Variants in CYP24A1 observed in about 807,000 individuals in gnomAD.
CYP24A1 encodes the protein cytochrome P450 family 24 subfamily A member 1.
CYP24A1 carries 68 observed loss-of-function variants against 62.4 expected under a neutral mutation model. That is an observed-to-expected ratio of 1.09 (90% CI 0.90 to 1.33). The LOEUF (loss-of-function observed/expected upper bound fraction) is 1.33. Ranked by LOEUF, CYP24A1 falls within the 40% of genes most tolerant of loss-of-function variation. The probability of loss-of-function intolerance (pLI) is 0.00; values close to 1 mark genes in which losing one functional copy is unlikely to be tolerated. For missense variants in CYP24A1, 787 were observed against 653.0 expected (o/e 1.21, Z -2.24); for synonymous variants, 267 against 253.0 (o/e 1.06, Z -0.52).
the CYP24A1 span, among the ~76,000 whole-genome samples, chr20:54,147,358 T>A: frequency 1.3e-5 from 2 of 152,108 alleles, no homozygotes; most frequent in Non-Finnish European, 2.9e-5. Flanking sequence ...AGGAAAAAAA[T>A]TCATAGATTT....
rs756204484 is a variant in CYP24A1 at position 54,173,107 on chromosome 20, C to T, written c.259-8G>A. The T allele has an allele frequency of 5.6e-6, 9 of 1,601,664 alleles. No homozygotes were observed. Among genetic ancestry groups the T allele is most frequent in the Non-Finnish European group, 7.6e-6 (9 of 1,179,836 alleles). ...CTTCTTGTGGTACTCCACCTGCAGCCGGCCGGGCACAGCGCGGTGTCAGCG... is the reference window on the plus strand; with the variant it reads ...CTTCTTGTGGTACTCCACCTGCAGCTGGCCGGGCACAGCGCGGTGTCAGCG... On this transcript the variant is annotated splice_polypyrimidine_tract_variant and splice_region_variant and intron_variant, in intron 1 of 11. Coordinates refer to ENST00000216862, the MANE Select transcript of CYP24A1 (RefSeq NM_000782.5). The surrounding 1 kb of genome is among the most constrained non-coding windows in gnomAD (Gnocchi z 7.2).
chr20:54,148,576 C>T (rs976973716), downstream of CYP24A1, among the ~76,000 whole-genome samples: 1 of 152,128 alleles, frequency 6.6e-6, no homozygotes, highest in African/African-American at 2.4e-5. Context: ...AGTACAAGAT[C>T]AGCCTGGAAT....
At chr20:54,145,687 C>T in the CYP24A1 span, among the ~76,000 whole-genome samples, 60 of 151,062 alleles carry the variant, frequency 4.0e-4, 3 homozygotes, top group South Asian at 0.011. Context: ...TTTCTTGCCA[C>T]GAGGGCCTCC....
Position 54,157,583 on chromosome 20 carries a change from T to G in CYP24A1, c.1239A>C (p.Thr413=), listed in dbSNP as rs762355258. The change falls in exon 10 of 12, where the codon ACA becomes ACC. Residue 413 remains threonine, a splice_region_variant and synonymous_variant. Coordinates refer to ENST00000216862, the MANE Select transcript of CYP24A1 (RefSeq NM_000782.5). Reference sequence around the variant, plus strand: ...ACACCTGGGTATTTAGCATGAGCACTGTCTAAACACATGCAGAGACACATA... The same window carrying G: ...ACACCTGGGTATTTAGCATGAGCACGGTCTAAACACATGCAGAGACACATA... ...VLGEYALPKG[T]VLMLNTQVLG... 2.6e-6 allele frequency: 4 copies of G among 1,541,712 alleles called. No homozygotes were observed. The highest frequency in any genetic ancestry group is 3.6e-6 in the Non-Finnish European group (4 of 1,114,296).
chr20:54,152,338 C>T (rs1040971840), downstream of CYP24A1, among the ~76,000 whole-genome samples: 8 of 152,236 alleles, frequency 5.3e-5, no homozygotes, highest in African/African-American at 1.9e-4. Context: ...GCAATGTACA[C>T]TCCAGAGCTC....
chr20:54,143,947 T>C, the CYP24A1 span, among the ~76,000 whole-genome samples: 1 of 152,158 alleles, frequency 6.6e-6, no homozygotes, highest in Non-Finnish European at 1.5e-5. Flanking sequence ...CTAAGTGAGA[T>C]TGAGAATTTT....
intron 2 of CYP24A1, chr20:54,171,922 G>C (rs745318376): frequency 1.1e-4 from 100 of 885,322 alleles, no homozygotes; most frequent in Non-Finnish European, 1.4e-4. Flanking sequence ...TTGAAGTCCA[G>C]ATAATTTGGG....
the CYP24A1 span, among the ~76,000 whole-genome samples, chr20:54,144,701 T>G: frequency 2.0e-5 from 3 of 149,918 alleles, no homozygotes; most frequent in South Asian, 6.3e-4. Context: ...TATATATTAA[T>G]AAGAAGCCCT....
chr20:54,172,923 G>A lies in CYP24A1; in HGVS notation c.435C>T (p.Tyr145=), dbSNP rs1454108144. 1.2e-6 allele frequency: 2 copies of A among 1,613,716 alleles called. No homozygotes were observed. The highest frequency in any genetic ancestry group is 2.2e-5 in the East Asian group (1 of 44,876). ...KAYRDYRKEG[Y]GLLILEGEDW... is the part of the protein sequence containing the mutation. ...ATTGGACTCACAGGATCAGCAGCCCGTAGCCTTCTTTGCGGTAGTCGCGAT... is the reference window on the plus strand; with the variant it reads ...ATTGGACTCACAGGATCAGCAGCCCATAGCCTTCTTTGCGGTAGTCGCGAT... The change falls in exon 2 of 12, where the codon TAC becomes TAT. Residue 145 remains tyrosine, a synonymous_variant. Transcript: ENST00000216862.
chr20:54,160,121 A>C (rs866969687), intron 7 of CYP24A1, among the ~76,000 whole-genome samples: 1 of 152,246 alleles, frequency 6.6e-6, no homozygotes, highest in Admixed American at 6.5e-5. Context: ...GGCACTACCT[A>C]CACTGAGGGT....
Position 54,169,543 on chromosome 20 carries a change from C to T in CYP24A1, c.640+49G>A, listed in dbSNP as rs150816502. 569 of 1,613,058 alleles carry T rather than the reference C, an allele frequency of 3.5e-4. 1 individual carries two copies. The African/African-American group carries it at 5.0e-3, about 14-fold the overall frequency. On this transcript the variant is annotated intron_variant, in intron 4 of 11. Transcript: ENST00000216862. Reference sequence around the variant, plus strand: ...GTTGTCAAAAGAGCCATGTTTTATCCGCAAAATCACCTGCAAAATCAGTGA... The same window carrying T: ...GTTGTCAAAAGAGCCATGTTTTATCTGCAAAATCACCTGCAAAATCAGTGA...
At chr20:54,149,946 T>C (rs1455648179), downstream of CYP24A1, among the ~76,000 whole-genome samples, 2 of 152,190 alleles carry the variant, frequency 1.3e-5, no homozygotes. Flanking sequence ...CTACTTTAGG[T>C]TGTTTTCACC....
In CYP24A1 at chr20:54,173,361, A is replaced by G; in HGVS notation, c.219T>C (p.Ile73=). 2 of 1,605,128 alleles carry G rather than the reference A, an allele frequency of 1.2e-6. No individual in the cohort carries two copies. The highest frequency in any genetic ancestry group is 1.3e-5 in the African/African-American group (1 of 74,954). Residue 73 remains isoleucine (I), a synonymous_variant, in exon 1 of 12, where the codon ATT becomes ATC. Transcript: ENST00000216862. The surrounding 1 kb of genome is among the most constrained non-coding windows in gnomAD (Gnocchi z 7.2). ...SWPLLGSLLQ[I]LWKGGLKKQH... ...GTTTCTTGAGACCCCCTTTCCAGAG[A>G]ATCTGCAGCAGGCTGCCCAGCAGTG...
At position 54,173,524 on chromosome 20, in the gene CYP24A1, C is replaced by T. The variant is rs1313237538; in HGVS notation, c.56G>A (p.Arg19His). The T allele has an allele frequency of 1.4e-5, 22 of 1,573,042 alleles. 1 individual carries two copies. Among genetic ancestry groups the T allele is most frequent in the Non-Finnish European group, 1.7e-5 (20 of 1,160,508 alleles). Residue 19 changes from arginine (R) to histidine (H), a missense_variant, in exon 1 of 12, where the codon CGC becomes CAC. Physicochemically the swap from Arg to His is conservative, Grantham distance 29. Coordinates refer to ENST00000216862, the MANE Select transcript of CYP24A1 (RefSeq NM_000782.5). This position sits in a 1 kb window ranked among gnomAD's most constrained non-coding sequence, Gnocchi z 7.2. ...CAGTCTCGGGGGCTGCCTCGGACTG[C>T]GCAGCTGCTGCAGGAAGGCGGCAAG... is the stretch of plus-strand genomic sequence containing the variant. ...RSLAAFLQQL[R>H]SPRQPPRLVT...
Position 54,173,776 on chromosome 20 carries a change from G to T in CYP24A1, c.-197C>A. ...GAGGATGCTCGACGCTGCACCACGCGACAGCCTCAGAGCATTGGTGCCTCC... is the reference window on the plus strand; with the variant it reads ...GAGGATGCTCGACGCTGCACCACGCTACAGCCTCAGAGCATTGGTGCCTCC... On this transcript the variant is annotated 5_prime_UTR_variant, in exon 1 of 12. Transcript: ENST00000216862. This position sits in a 1 kb window ranked among gnomAD's most constrained non-coding sequence, Gnocchi z 7.2. 1.7e-6 allele frequency: 1 copy of T among 601,692 alleles called. No individual in the cohort carries two copies. Among genetic ancestry groups the T allele is most frequent in the Non-Finnish European group, 3.0e-6 (1 of 337,798 alleles). 37.3% of individuals were successfully genotyped at this position (601,692 alleles called of 1,614,324 possible). A position where few individuals can be genotyped will look rare whatever the true frequency, so the allele number is the denominator to read the frequency against.
At position 54,158,945 on chromosome 20, in the gene CYP24A1, A is replaced by T; in HGVS notation, c.1157+12T>A. 6.2e-7 allele frequency: 1 copy of T among 1,614,156 alleles called. No individual in the cohort carries two copies. Among genetic ancestry groups the T allele is most frequent in the South Asian group, 1.1e-5 (1 of 91,078 alleles). On this transcript the variant is annotated intron_variant, in intron 8 of 11. Coordinates refer to ENST00000216862, the MANE Select transcript of CYP24A1 (RefSeq NM_000782.5). ...CTAACACATTTATATTGGCTCAGAG[A>T]TAGGCTCTTACCTCATAGATTCTTT... is the stretch of plus-strand genomic sequence containing the variant.
chr20:54,155,850 T>C (rs746341301), intron 11 of CYP24A1, among the ~76,000 whole-genome samples: 1 of 152,130 alleles, frequency 6.6e-6, no homozygotes, highest in Non-Finnish European at 1.5e-5. Flanking sequence ...ACTTACTAAC[T>C]CTTAATTTCA....
At chr20:54,145,347 CTTGTT>C in the CYP24A1 span, among the ~76,000 whole-genome samples, 1 of 151,740 alleles carries the variant, frequency 6.6e-6, no homozygotes, top group Non-Finnish European at 1.5e-5. Context: ...TGGAAGCATA[CTTGTT>C]TTGTTCTTTT....
intron 7 of CYP24A1, among the ~76,000 whole-genome samples, chr20:54,160,992 C>T (rs577467306): frequency 6.6e-6 from 1 of 152,230 alleles, no homozygotes; most frequent in Non-Finnish European, 1.5e-5. Context: ...TATTCTCCAT[C>T]CACCAGCCAG....
Sources: gnomAD v4.1 joint callset for allele counts (sites outside exome capture counted in the v4.1 genomes callset) on GRCh38, gnomAD v4.1.1 for gene constraint, Gnocchi (gnomAD v3.1) non-coding constraint, MANE v1.5 for transcripts, NCBI Gene and HGNC (gene_info 2026-07-23, HGNC 2026-07-21) for gene names.